The following CNKSR3 variants were observed in gnomAD, a reference collection of about 807,000 sequenced individuals.
The protein encoded by CNKSR3 is connector enhancer of kinase suppressor of ras 3.
Under a neutral mutation model 67.7 loss-of-function variants are expected in CNKSR3, and 36 were observed. The observed-to-expected ratio is 0.53, with a 90% CI of 0.41 to 0.70. The LOEUF (loss-of-function observed/expected upper bound fraction) is 0.70, where lower values mean the gene tolerates loss of function less well. Among genes scored for constraint, CNKSR3 ranks in the 30% least tolerant of loss-of-function variants. CNKSR3 has a pLI of 0.00. For synonymous variants in CNKSR3, 281 were observed against 271.4 expected (o/e 1.04, Z -0.35); for missense variants, 630 against 695.2 (o/e 0.91, Z 1.05).
intron 1 of CNKSR3, among the ~76,000 whole-genome samples, chr6:154,473,787 A>T (rs924493354): frequency 2.0e-5 from 3 of 148,286 alleles, no homozygotes; most frequent in South Asian, 2.1e-4. Context: ...TCTCTCCACT[A>T]TTTTTTTTTT....
intron 2 of CNKSR3, among the ~76,000 whole-genome samples, chr6:154,446,095 T>G (rs116331389): frequency 1.2e-3 from 188 of 152,280 alleles, no homozygotes; most frequent in African/African-American, 4.3e-3. Flanking sequence ...AAGATACAAA[T>G]TAAGTAACAC....
At chr6:154,422,234 C>T (rs1265721382) in intron 9 of CNKSR3, among the ~76,000 whole-genome samples, 4 of 152,200 alleles carry the variant, frequency 2.6e-5, no homozygotes, top group East Asian at 3.9e-4. Flanking sequence ...CCTCGTGATC[C>T]GCCCGCCTCA....
chr6:154,441,242 C>CAAAAAAAAAAAAAA (rs34887626), intron 4 of CNKSR3, 50 bp downstream of exon 4: 10 of 847,478 alleles, frequency 1.2e-5, no homozygotes, highest in South Asian at 3.2e-5. Flanking sequence ...AGAGGAAAAG[C>CAAAAAAAAAAAAAA]AAAAAAAAAA....
At position 154,390,185 on chromosome 6, in the gene CNKSR3, C is replaced by G. The variant is rs972448003; in HGVS notation, c.*16169G>C. 2 of 152,308 alleles carry G rather than the reference C, an allele frequency of 1.3e-5. No homozygotes were observed. Among genetic ancestry groups the G allele is most frequent in the African/African-American group, 2.4e-5 (1 of 41,450 alleles). 9.4% of individuals were successfully genotyped at this position (152,308 alleles called of 1,614,324 possible). On this transcript the variant is annotated 3_prime_UTR_variant, in exon 13 of 13. Coordinates refer to ENST00000607772, the MANE Select transcript of CNKSR3 (RefSeq NM_173515.4). ...CTTCCCCACATTTTCTCAGCACCAC[C>G]TACGTCTTAGACCTCAGCCATTTGC...
In CNKSR3 at chr6:154,510,048, C is replaced by T. The variant is rs375627033; in HGVS notation, c.52+15G>A. On this transcript the variant is annotated intron_variant, in intron 1 of 12. Transcript: ENST00000607772. ...CGAGGCTGGAGGACTCCGGACCCCC[C>T]CAAGGCCCGCGCACCTCTAGTCCAG... is the stretch of plus-strand genomic sequence containing the variant. 1.9e-6 allele frequency: 3 copies of T among 1,614,028 alleles called. No individual in the cohort carries two copies. The highest frequency in any genetic ancestry group is 2.5e-6 in the Non-Finnish European group (3 of 1,179,950).
intron 1 of CNKSR3, among the ~76,000 whole-genome samples, chr6:154,505,578 G>A (rs1562361631): frequency 1.3e-5 from 2 of 149,726 alleles, no homozygotes; most frequent in Non-Finnish European, 1.5e-5. Context: ...GCTCACTGCA[G>A]CCTCCGCCTC....
intron 9 of CNKSR3, among the ~76,000 whole-genome samples, chr6:154,416,566 T>C (rs1047766208): frequency 6.6e-6 from 1 of 152,126 alleles, no homozygotes; most frequent in Non-Finnish European, 1.5e-5. Context: ...TACTTCTATA[T>C]CAGTAACTCT....
Position 154,504,426 on chromosome 6 carries a change from A to C in CNKSR3, c.52+5637T>G, listed in dbSNP as rs76326516. On this transcript the variant is annotated intron_variant, in intron 1 of 12. Coordinates refer to ENST00000607772, the MANE Select transcript of CNKSR3 (RefSeq NM_173515.4). ...GAGCTATAGGAAAAAGGAAGAGAGA[A>C]AGCAATAAAAACAAGGAGTAGAAAT... Among the ~76,000 whole-genome samples, 361 of 152,324 alleles carry C rather than the reference A, an allele frequency of 2.4e-3. 1 individual carries two copies. Among genetic ancestry groups the C allele is most frequent in the African/African-American group, 8.3e-3 (346 of 41,578 alleles).
intron 4 of CNKSR3, among the ~76,000 whole-genome samples, chr6:154,436,102 G>A (rs1785467190): frequency 6.6e-6 from 1 of 152,274 alleles, no homozygotes; most frequent in South Asian, 2.1e-4. Flanking sequence ...CATGTGTCAA[G>A]TGTGGATAGA....
chr6:154,491,574 C>A (rs1184868862), intron 1 of CNKSR3, among the ~76,000 whole-genome samples: 5 of 151,998 alleles, frequency 3.3e-5, no homozygotes, highest in Admixed American at 3.3e-4. Context: ...TGGATCTGTC[C>A]ATTACAAATC....
intron 1 of CNKSR3, among the ~76,000 whole-genome samples, chr6:154,455,996 G>C (rs73574983): frequency 0.035 from 5,333 of 150,972 alleles, 252 homozygotes; most frequent in African/African-American, 0.11. Flanking sequence ...ATGCCCCAAT[G>C]CAAAAAAAAA....
chr6:154,393,758 T>A lies in CNKSR3; in HGVS notation c.*12596A>T, dbSNP rs1351540290. 6.6e-6 allele frequency: 1 copy of A among 152,192 alleles called. No individual in the cohort carries two copies. Among genetic ancestry groups the A allele is most frequent in the African/African-American group, 2.4e-5 (1 of 41,458 alleles). 9.4% of individuals were successfully genotyped at this position (152,192 alleles called of 1,614,324 possible). A position where few individuals can be genotyped will look rare whatever the true frequency, so the allele number is the denominator to read the frequency against. On this transcript the variant is annotated 3_prime_UTR_variant, in exon 13 of 13. Coordinates refer to ENST00000607772, the MANE Select transcript of CNKSR3 (RefSeq NM_173515.4). ...AAGGTTACAAAAACAAATTTCAAAA[T>A]GATTCATAGATCAAATAATAAATCA...
chr6:154,510,044 C>A lies in CNKSR3; in HGVS notation c.52+19G>T. ...TCCCCGAGGCTGGAGGACTCCGGAC[C>A]CCCCCAAGGCCCGCGCACCTCTAGT... On this transcript the variant is annotated intron_variant, in intron 1 of 12. Coordinates refer to ENST00000607772, the MANE Select transcript of CNKSR3 (RefSeq NM_173515.4). 6.2e-7 allele frequency: 1 copy of A among 1,613,878 alleles called. No individual in the cohort carries two copies. Among genetic ancestry groups the A allele is most frequent in the Non-Finnish European group, 8.5e-7 (1 of 1,179,854 alleles).
At position 154,442,845 on chromosome 6, in the gene CNKSR3, C is replaced by G. The variant is rs116985531; in HGVS notation, c.217-555G>C. Among the ~76,000 whole-genome samples, 1,064 of 152,214 alleles carry G rather than the reference C, an allele frequency of 7.0e-3. 7 individuals carry two copies. Among genetic ancestry groups the G allele is most frequent in the Non-Finnish European group, 0.01 (685 of 68,012 alleles). Reference sequence around the variant, plus strand: ...CTTGATAGTTCCTCTTCCCCAAATGCGCCTCCTACAAATATTGTCGTAGAC... The same window carrying G: ...CTTGATAGTTCCTCTTCCCCAAATGGGCCTCCTACAAATATTGTCGTAGAC... On this transcript the variant is annotated intron_variant, in intron 2 of 12. Coordinates refer to ENST00000607772, the MANE Select transcript of CNKSR3 (RefSeq NM_173515.4).
At chr6:154,426,311 T>G (rs772154611) in intron 7 of CNKSR3, among the ~76,000 whole-genome samples, 2 of 152,102 alleles carry the variant, frequency 1.3e-5, no homozygotes, top group Non-Finnish European at 2.9e-5. Context: ...TTCATTTAAT[T>G]CAAAAGCAGC....
At chr6:154,477,519 C>T (rs752645826) in intron 1 of CNKSR3, among the ~76,000 whole-genome samples, 3 of 151,618 alleles carry the variant, frequency 2.0e-5, no homozygotes, top group Non-Finnish European at 4.4e-5. Flanking sequence ...TGGGGTTTCA[C>T]CATATTGGTC....
intron 4 of CNKSR3, among the ~76,000 whole-genome samples, chr6:154,436,076 G>T (rs1326477270): frequency 2.6e-5 from 4 of 152,276 alleles, no homozygotes; most frequent in Non-Finnish European, 4.4e-5. Context: ...CACCTGCTGA[G>T]AATTCGGTGT....
intron 1 of CNKSR3, among the ~76,000 whole-genome samples, chr6:154,492,041 A>C (rs1786792780): frequency 1.3e-5 from 2 of 152,206 alleles, no homozygotes; most frequent in Admixed American, 1.3e-4. Context: ...CCACCAACCC[A>C]CCAAAACCAC....
intron 1 of CNKSR3, among the ~76,000 whole-genome samples, chr6:154,452,647 C>T (rs918225795): frequency 1.3e-5 from 2 of 152,178 alleles, no homozygotes; most frequent in Non-Finnish European, 2.9e-5. Context: ...TAAACTGTGT[C>T]CCCACAAAAT....
Sources: gnomAD v4.1 joint callset for allele counts (sites outside exome capture counted in the v4.1 genomes callset) on GRCh38, gnomAD v4.1.1 for gene constraint, MANE v1.5 for transcripts, NCBI Gene and HGNC (gene_info 2026-07-23, HGNC 2026-07-21) for gene names.